Variants in PCDH19 observed in about 807,000 individuals in gnomAD.
The protein encoded by PCDH19 is protocadherin-19.
PCDH19 carries 6 observed loss-of-function variants against 46.2 expected under a neutral mutation model. The ratio of observed to expected loss-of-function variants is 0.13; its 90% CI spans 0.07 to 0.26. The LOEUF (loss-of-function observed/expected upper bound fraction) is 0.26. Ranked by LOEUF, PCDH19 falls within the 10% of genes least tolerant of loss-of-function variation. PCDH19 has a pLI of 1.00. For missense variants in PCDH19, 740 were observed against 972.3 expected, an observed-to-expected ratio of 0.76 and a Z score of 3.18; for synonymous variants, 481 against 415.7, an observed-to-expected ratio of 1.16 and a Z score of -1.91.
intron 3 of PCDH19, among the ~76,000 whole-genome samples, chrX:100,350,949 G>C (rs1268701002): frequency 8.9e-6 from 1 of 112,370 alleles, no homozygotes; most frequent in Non-Finnish European, 1.9e-5. Flanking sequence ...ACTGGCTACT[G>C]ACCATGCAAC....
intron 5 of PCDH19, among the ~76,000 whole-genome samples, chrX:100,315,231 T>C (rs1353436399): frequency 1.8e-5 from 2 of 112,277 alleles, no homozygotes; most frequent in African/African-American, 3.2e-5. Flanking sequence ...GAGTATTAAC[T>C]GTACAACTAC....
At chrX:100,334,037 G>A (rs1185367585) in intron 5 of PCDH19, among the ~76,000 whole-genome samples, 4 of 110,548 alleles carry the variant, frequency 3.6e-5, no homozygotes, top group Non-Finnish European at 7.6e-5. Context: ...TGATCCACCT[G>A]CTCCAGCATC....
intron 5 of PCDH19, among the ~76,000 whole-genome samples, chrX:100,322,865 A>ATATATATATATATATATATTTTT: frequency 1.8e-5 from 1 of 54,418 alleles, no homozygotes; most frequent in African/African-American, 8.4e-5. Flanking sequence ...ATATATATAT[A>ATATATATATATATATATATTTTT]TTTTTGCAGC....
intron 3 of PCDH19, among the ~76,000 whole-genome samples, chrX:100,382,245 A>G (rs1162194949): frequency 9.0e-6 from 1 of 110,953 alleles, no homozygotes; most frequent in Non-Finnish European, 1.9e-5. Flanking sequence ...GCCACCTAGC[A>G]CTTCCTTAAA....
chrX:100,328,109 TATTTAATAG>T (rs1749726633), intron 5 of PCDH19, among the ~76,000 whole-genome samples: 1 of 112,143 alleles, frequency 8.9e-6, no homozygotes, highest in Non-Finnish European at 1.9e-5. Flanking sequence ...AGATCTCACT[TATTTAATAG>T]TCAGTCAATT....
chrX:100,406,099 T>C (rs1928336365), intron 1 of PCDH19, among the ~76,000 whole-genome samples: 3 of 110,819 alleles, frequency 2.7e-5, no homozygotes, highest in African/African-American at 9.9e-5. Flanking sequence ...GTTGGTGGTT[T>C]TCCTAAAAAT....
chrX:100,402,889 C>G (rs761515617), intron 2 of PCDH19, 38 bp from the exon 3 acceptor site: 21 of 1,067,327 alleles, frequency 2.0e-5, no homozygotes, highest in Non-Finnish European at 2.3e-5. Flanking sequence ...CACTAACACC[C>G]TCCCAAATCA....
chrX:100,299,295 G>C (rs1444105380), intron 5 of PCDH19, among the ~76,000 whole-genome samples: 1 of 112,189 alleles, frequency 8.9e-6, no homozygotes, highest in African/African-American at 3.2e-5. Context: ...CACTTCTAGA[G>C]CAGAGCAGTA....
rs1382127677 is a variant in PCDH19, at chrX:100,407,296, C to G, written c.1302G>C (p.Gln434His). 1 of 1,212,163 alleles carries G rather than the reference C, an allele frequency of 8.2e-7. No homozygotes were observed. The highest frequency in any genetic ancestry group is 1.1e-6 in the Non-Finnish European group (1 of 895,574). Residue 434 changes from glutamine (Q) to histidine (H), a missense_variant, in exon 1 of 6, where the codon CAG becomes CAC. Gln to His is a conservative substitution (Grantham distance 24, BLOSUM62 0). Coordinates refer to ENST00000373034, the MANE Select transcript of PCDH19 (RefSeq NM_001184880.2). Reference sequence around the variant, plus strand: ...TGAGCACGGTAAAGGACTTGGCACTCTGCAGCATGGGCACGCCGCCGTCGC... The same window carrying G: ...TGAGCACGGTAAAGGACTTGGCACTGTGCAGCATGGGCACGCCGCCGTCGC... ...QARDGGVPML[Q>H]SAKSFTVLIT...
At chrX:100,363,197 G>C (rs962564995) in intron 3 of PCDH19, among the ~76,000 whole-genome samples, 3 of 110,026 alleles carry the variant, frequency 2.7e-5, no homozygotes, top group Admixed American at 1.9e-4. Flanking sequence ...CCAGCTACGC[G>C]GGAGGCTGAG....
At position 100,407,093 on chromosome X, in the gene PCDH19, A is replaced by G; in HGVS notation, c.1505T>C (p.Val502Ala). 2.5e-6 allele frequency: 3 copies of G among 1,211,881 alleles called. No individual in the cohort carries two copies. The highest frequency in any genetic ancestry group is 3.3e-6 in the Non-Finnish European group (3 of 895,530). Residue 502 changes from valine (V) to alanine (A), a missense_variant, in exon 1 of 6, where the codon GTC (valine) becomes GCC (alanine). Physicochemically the swap from Val to Ala is moderately conservative, Grantham distance 64. Transcript: ENST00000373034. ...IVPSQVRDMP[V>A]FTYVSINPNS... ...GGGATTGATGGAGACATAGGTGAAG[A>G]CAGGCATGTCCCGCACCTGCGACGG...
At chrX:100,383,514 C>T (rs1234693275) in intron 3 of PCDH19, among the ~76,000 whole-genome samples, 8 of 111,810 alleles carry the variant, frequency 7.2e-5, no homozygotes, top group Admixed American at 2.9e-4. Context: ...AACAGTGAAA[C>T]CATTAAATAG....
At chrX:100,372,930 A>T (rs766035010) in intron 3 of PCDH19, among the ~76,000 whole-genome samples, 24 of 112,687 alleles carry the variant, frequency 2.1e-4, no homozygotes, top group Non-Finnish European at 3.9e-4. Context: ...ATATATGAAA[A>T]GTACTGAGCC....
In PCDH19 at chrX:100,296,587, G is replaced by C. The variant is rs1057374175; in HGVS notation, c.3137C>G (p.Pro1046Arg). The C allele has an allele frequency of 1.7e-6, 2 of 1,209,352 alleles. No individual in the cohort carries two copies. Among genetic ancestry groups the C allele is most frequent in the African/African-American group, 3.5e-5 (2 of 56,925 alleles). ...CTCCCGGATAACGCTGTTGACCTTG[G>C]GGCTGCAGATGGTCACATCGACAGT... ...KRTVDVTICS[P>R]KVNSVIREAG... is the part of the protein sequence containing the mutation. Residue 1046 changes from proline (P) to arginine (R), a missense_variant, in exon 6 of 6, where the codon CCC (proline) becomes CGC (arginine). Pro to Arg is a moderately radical substitution (Grantham distance 103). Coordinates refer to ENST00000373034, the MANE Select transcript of PCDH19 (RefSeq NM_001184880.2).
At chrX:100,323,761 A>C (rs1003560356) in intron 5 of PCDH19, among the ~76,000 whole-genome samples, 9 of 108,335 alleles carry the variant, frequency 8.3e-5, no homozygotes, top group Non-Finnish European at 1.3e-4. Context: ...ACTAAAACCC[A>C]AAAAAAAAAT....
At chrX:100,400,769 T>C (rs1024210853) in intron 3 of PCDH19, among the ~76,000 whole-genome samples, 10 of 112,437 alleles carry the variant, frequency 8.9e-5, no homozygotes, top group Non-Finnish European at 1.7e-4. Flanking sequence ...GGAATTATTG[T>C]TCAGGAACTA....
chrX:100,393,497 TACACACAC>T (rs57070852), intron 3 of PCDH19, among the ~76,000 whole-genome samples: 13,036 of 89,774 alleles, frequency 0.15, 949 homozygotes, highest in Middle Eastern at 0.32. Flanking sequence ...CATACATACA[TACACACAC>T]ACACACACAC....
intron 3 of PCDH19, among the ~76,000 whole-genome samples, chrX:100,393,344 C>T (rs1253766362): frequency 9.0e-6 from 1 of 110,778 alleles, no homozygotes; most frequent in Non-Finnish European, 1.9e-5. Flanking sequence ...ATATCATAGA[C>T]ATGTGTACGG....
chrX:100,384,383 T>A (rs1374123018), intron 3 of PCDH19, among the ~76,000 whole-genome samples: 3 of 111,162 alleles, frequency 2.7e-5, no homozygotes, highest in African/African-American at 9.8e-5. Context: ...TCATTTTCCA[T>A]CTATGAAACT....
Sources: gnomAD v4.1 joint callset for allele counts (sites outside exome capture counted in the v4.1 genomes callset) on GRCh38, gnomAD v4.1.1 for gene constraint, MANE v1.5 for transcripts, NCBI Gene and HGNC (gene_info 2026-07-23, HGNC 2026-07-21) for gene names.